Variants in CNTNAP2 observed in about 807,000 individuals in gnomAD.
The protein encoded by CNTNAP2 is contactin-associated protein-like 2.
CNTNAP2 carries 98 observed loss-of-function variants against 155.2 expected under a neutral mutation model. That is an observed-to-expected ratio of 0.63 (90% CI 0.54 to 0.75). The LOEUF is 0.75. Ranked by LOEUF, CNTNAP2 falls within the 30% of genes least tolerant of loss-of-function variation. The pLI is 0.00. For missense variants in CNTNAP2, 1,727 were observed against 1,688.1 expected, an observed-to-expected ratio of 1.02 and a Z score of -0.40; for synonymous variants, 651 against 631.2, an observed-to-expected ratio of 1.03 and a Z score of -0.47.
intron 21 of CNTNAP2, among the ~76,000 whole-genome samples, chr7:148,317,364 A>AG (rs900872540): frequency 6.6e-6 from 1 of 151,998 alleles, no homozygotes; most frequent in Non-Finnish European, 1.5e-5. Context: ...TCAAAAAAAA[A>AG]AAATTCATGG....
intron 12 of CNTNAP2, among the ~76,000 whole-genome samples, chr7:147,615,584 G>A (rs565932504): frequency 1.3e-5 from 2 of 152,168 alleles, no homozygotes; most frequent in East Asian, 3.9e-4. Context: ...AAATATTATT[G>A]GCAAATCCAT....
chr7:147,693,220 T>C (rs1234060547), intron 13 of CNTNAP2, among the ~76,000 whole-genome samples: 3 of 152,102 alleles, frequency 2.0e-5, no homozygotes, highest in African/African-American at 7.2e-5. Flanking sequence ...TCTAATCTTT[T>C]GCCAACACCA....
chr7:146,378,448 T>A (rs1795335487), intron 1 of CNTNAP2, among the ~76,000 whole-genome samples: 1 of 152,200 alleles, frequency 6.6e-6, no homozygotes, highest in Non-Finnish European at 1.5e-5. Context: ...CCATCCACTT[T>A]GCTCTTTGCT....
At chr7:147,618,628 G>T (rs992216589) in intron 12 of CNTNAP2, among the ~76,000 whole-genome samples, 2 of 144,258 alleles carry the variant, frequency 1.4e-5, no homozygotes, top group African/African-American at 5.5e-5. Context: ...TCAGGAAACA[G>T]CTATAAAATG....
At chr7:146,241,554 A>G (rs1217139198) in intron 1 of CNTNAP2, among the ~76,000 whole-genome samples, 1 of 152,216 alleles carries the variant, frequency 6.6e-6, no homozygotes, top group East Asian at 1.9e-4. Context: ...TAAAAAGACC[A>G]TGCAAGACTT....
At chr7:147,927,990 G>T (rs1055319373) in intron 14 of CNTNAP2, among the ~76,000 whole-genome samples, 1 of 152,154 alleles carries the variant, frequency 6.6e-6, no homozygotes, top group Non-Finnish European at 1.5e-5. Flanking sequence ...TGGTGGGAGG[G>T]ACCTGGTGGG....
At chr7:146,895,304 C>T (rs1016156430) in intron 3 of CNTNAP2, among the ~76,000 whole-genome samples, 2 of 147,778 alleles carry the variant, frequency 1.4e-5, no homozygotes, top group African/African-American at 2.6e-5. Context: ...CTCCCGCCCT[C>T]CTTCCTTCCT....
At chr7:147,100,206 C>T (rs1466365223) in intron 4 of CNTNAP2, among the ~76,000 whole-genome samples, 1 of 152,008 alleles carries the variant, frequency 6.6e-6, no homozygotes, top group African/African-American at 2.4e-5. Context: ...TTTTTTGTCT[C>T]TTCACGTTGA....
chr7:146,767,825 A>G (rs374973444), intron 1 of CNTNAP2, among the ~76,000 whole-genome samples: 2 of 152,176 alleles, frequency 1.3e-5, no homozygotes, highest in African/African-American at 4.8e-5. Flanking sequence ...GGACTTTTGA[A>G]ATAATGGAAA....
chr7:146,192,135 A>G (rs531723170), intron 1 of CNTNAP2, among the ~76,000 whole-genome samples: 3 of 152,308 alleles, frequency 2.0e-5, no homozygotes, highest in South Asian at 2.1e-4. Context: ...TTCACAATTT[A>G]TGTTCTTCTG....
intron 13 of CNTNAP2, among the ~76,000 whole-genome samples, chr7:147,690,425 A>G (rs968078063): frequency 6.6e-6 from 1 of 152,128 alleles, no homozygotes; most frequent in African/African-American, 2.4e-5. Flanking sequence ...TTCACTCAGC[A>G]TTACATCAAT....
In CNTNAP2 at chr7:148,336,296, G is replaced by A. The variant is rs1333766859; in HGVS notation, c.3476-47353G>A. Among the ~76,000 whole-genome samples the A allele has an allele frequency of 3.3e-5, 5 of 152,068 alleles. No homozygotes were observed. The East Asian group carries it at 9.6e-4, about 29-fold the overall frequency. On this transcript the variant is annotated intron_variant, in intron 21 of 23. Transcript: ENST00000361727. ...AATACAAATAGTGATATAATGAAAT[G>A]ATATAGTTTTATCTAGTTTCATCTA...
At chr7:147,964,225 C>T (rs1314854326) in intron 14 of CNTNAP2, among the ~76,000 whole-genome samples, 1 of 152,068 alleles carries the variant, frequency 6.6e-6, no homozygotes, top group Non-Finnish European at 1.5e-5. Flanking sequence ...CACCAGAAAC[C>T]AACTCTACCA....
At chr7:148,062,024 A>AGTGT (rs1386529973) in intron 15 of CNTNAP2, among the ~76,000 whole-genome samples, 15 of 136,752 alleles carry the variant, frequency 1.1e-4, no homozygotes, top group Non-Finnish European at 2.2e-4. Context: ...AGAGAGAGAG[A>AGTGT]GAGAGTGTGT....
chr7:147,801,959 A>AC (rs1156738943), intron 13 of CNTNAP2, among the ~76,000 whole-genome samples: 1 of 126,488 alleles, frequency 7.9e-6, no homozygotes, highest in African/African-American at 3.1e-5. Flanking sequence ...GGGGGCTGAC[A>AC]CCCCCACCTC....
intron 1 of CNTNAP2, among the ~76,000 whole-genome samples, chr7:146,540,736 C>A (rs1269731409): frequency 2.0e-5 from 3 of 152,034 alleles, no homozygotes; most frequent in Admixed American, 2.0e-4. Context: ...CAGTACTGCT[C>A]TTTGAGGGCT....
intron 1 of CNTNAP2, among the ~76,000 whole-genome samples, chr7:146,205,065 A>G (rs1390825468): frequency 6.6e-6 from 1 of 152,058 alleles, no homozygotes; most frequent in Non-Finnish European, 1.5e-5. Context: ...AGTAAATTGT[A>G]GGCAAGTAAG....
intron 1 of CNTNAP2, among the ~76,000 whole-genome samples, chr7:146,448,257 A>G (rs775547524): frequency 2.6e-5 from 4 of 152,150 alleles, no homozygotes; most frequent in African/African-American, 7.2e-5. Context: ...AAAACACAGA[A>G]AAGTAATGAC....
At chr7:147,085,749 T>C (rs2129270765) in intron 4 of CNTNAP2, 1 of 152,344 alleles carries the variant, frequency 6.6e-6, no homozygotes, top group East Asian at 1.9e-4. Flanking sequence ...TCATGTCTCA[T>C]CGTTTTATTA....
Sources: allele counts gnomAD v4.1 joint callset (sites outside exome capture counted in the v4.1 genomes callset), GRCh38; gene constraint gnomAD v4.1.1; transcripts MANE v1.5; gene names NCBI Gene and HGNC (gene_info 2026-07-23, HGNC 2026-07-21).